The following PROKR1 variants were observed in gnomAD, a reference collection of about 807,000 sequenced individuals.
The protein encoded by PROKR1 is G protein-coupled receptor 73.
PROKR1 carries 21 observed loss-of-function variants against 22.8 expected under a neutral mutation model. The observed-to-expected ratio is 0.92, with a 90% CI of 0.65 to 1.32. The LOEUF (loss-of-function observed/expected upper bound fraction) is 1.32. PROKR1 is among the 40% of genes most tolerant of loss of function. The pLI, the probability that PROKR1 is intolerant of heterozygous loss-of-function variation, is 0.00. For synonymous variants in PROKR1, 193 were observed against 207.5 expected (o/e 0.93, Z 0.60); for missense variants, 548 against 514.2 (o/e 1.07, Z -0.64).
At chr2:68,644,111 G>A (rs778730582) in intron 1 of PROKR1, among the ~76,000 whole-genome samples, 1 of 152,216 alleles carries the variant, frequency 6.6e-6, no homozygotes, top group African/African-American at 2.4e-5. Flanking sequence ...GTCACCAGGT[G>A]GGGGTAGGAT....
At position 68,646,119 on chromosome 2, in the gene PROKR1, CTCA is replaced by C. The variant is rs780378218; in HGVS notation, c.301_303del (p.Ile101del). ...GAAACTGCGCAACCTCACCAACCTGCTCATCGCCAACCTGGCCATCTCTGACTT... is the reference window on the plus strand; with the variant it reads ...GAAACTGCGCAACCTCACCAACCTGCTCGCCAACCTGGCCATCTCTGACTT... On this transcript the variant is annotated inframe_deletion, in exon 2 of 3. Transcript: ENST00000303786. The C allele has an allele frequency of 6.2e-7, 1 of 1,612,198 alleles. No individual in the cohort carries two copies. Among genetic ancestry groups the C allele is most frequent in the Admixed American group, 1.7e-5 (1 of 59,990 alleles).
rs779662940 is a variant in PROKR1 at position 68,646,011 on chromosome 2, G to A, written c.190G>A (p.Val64Ile). 2 of 1,614,266 alleles carry A rather than the reference G, an allele frequency of 1.2e-6. No homozygotes were observed. Among genetic ancestry groups the A allele is most frequent in the Non-Finnish European group, 1.7e-6 (2 of 1,180,054 alleles). Residue 64 changes from valine (V) to isoleucine (I), a missense_variant, in exon 2 of 3, where the codon GTC becomes ATC. Transcript: ENST00000303786. ...CAGGACGTTCTTTGCTGCCAAGATTGTCATTGGGATGGCCCTGGTGGGCAT... is the reference window on the plus strand; with the variant it reads ...CAGGACGTTCTTTGCTGCCAAGATTATCATTGGGATGGCCCTGGTGGGCAT... ...NSRTFFAAKI[V>I]IGMALVGIML... is the part of the protein sequence containing the mutation.
chr2:68,645,740 T>C lies in PROKR1; in HGVS notation c.-82T>C. 3.1e-6 allele frequency: 5 copies of C among 1,597,198 alleles called. No individual in the cohort carries two copies. The South Asian group carries it at 4.4e-5, about 14-fold the overall frequency. On this transcript the variant is annotated 5_prime_UTR_variant, in exon 2 of 3. Coordinates refer to ENST00000303786, the MANE Select transcript of PROKR1 (RefSeq NM_138964.4). ...GACTCATTAAGGGAGAGCTGGCTGA[T>C]AGCAGAGAGGGGTGACATCAGCCTT...
Position 68,655,806 on chromosome 2 carries a change from G to A in PROKR1, c.*230G>A. ...CTAATTTACACGCCAGTAGGTACTG[G>A]TAAAACCTATATATGTTGATGACAT... On this transcript the variant is annotated 3_prime_UTR_variant, in exon 3 of 3. Coordinates refer to ENST00000303786, the MANE Select transcript of PROKR1 (RefSeq NM_138964.4). 1 of 578,222 alleles carries A rather than the reference G, an allele frequency of 1.7e-6. No individual in the cohort carries two copies. The highest frequency in any genetic ancestry group is 2.0e-5 in the South Asian group (1 of 50,364). 35.8% of individuals were successfully genotyped at this position (578,222 alleles called of 1,614,324 possible). A position where few individuals can be genotyped will look rare whatever the true frequency, so the allele number is the denominator to read the frequency against.
At position 68,654,973 on chromosome 2, in the gene PROKR1, C is replaced by A; in HGVS notation, c.579C>A (p.Ile193=). ...TGGTGTGGACGGTGTCCATCCTGAT[C>A]GCCATCCCTTCCGCCTACTTCACCA... is the stretch of plus-strand genomic sequence containing the variant. ...IALVWTVSIL[I]AIPSAYFTTE... is the part of the protein sequence containing the mutation. The change falls in exon 3 of 3, where the codon ATC becomes ATA. Residue 193 remains isoleucine, a synonymous_variant. Transcript: ENST00000303786. The A allele has an allele frequency of 1.2e-6, 2 of 1,613,568 alleles. No individual in the cohort carries two copies. The highest frequency in any genetic ancestry group is 1.7e-6 in the Non-Finnish European group (2 of 1,179,976).
At position 68,654,952 on chromosome 2, in the gene PROKR1, G is replaced by A. The variant is rs62144076; in HGVS notation, c.558G>A (p.Val186=). 6 of 1,613,666 alleles carry A rather than the reference G, an allele frequency of 3.7e-6. No individual in the cohort carries two copies. Among genetic ancestry groups the A allele is most frequent in the Non-Finnish European group, 5.1e-6 (6 of 1,180,022 alleles). ...CAGCCACTGGCCTGATTGCCTTGGT[G>A]TGGACGGTGTCCATCCTGATCGCCA... ...CQTATGLIAL[V]WTVSILIAIP... is the part of the protein sequence containing the mutation. Residue 186 remains valine (V), a synonymous_variant, in exon 3 of 3, where the codon GTG becomes GTA. Transcript: ENST00000303786.
At chr2:68,650,302 C>T (rs558694219) in intron 2 of PROKR1, among the ~76,000 whole-genome samples, 1 of 152,256 alleles carries the variant, frequency 6.6e-6, no homozygotes, top group Admixed American at 6.5e-5. Context: ...TTATCTAGCC[C>T]CAGACTGCTT....
At chr2:68,643,902 G>C (rs1388389048) in intron 1 of PROKR1, 54 bp downstream of exon 1, 1 of 152,426 alleles carries the variant, frequency 6.6e-6, no homozygotes, top group African/African-American at 2.4e-5. Flanking sequence ...CGCTGCACTG[G>C]CTGCGGCCGT....
Position 68,655,520 on chromosome 2 carries a change from C to A in PROKR1, c.1126C>A (p.Leu376Ile). The change falls in exon 3 of 3, where the codon CTC becomes ATC. Residue 376 changes from leucine to isoleucine, a missense_variant. By Grantham distance (5) the Leu-to-Ile change is conservative. Transcript: ENST00000303786. ...CGGTAAGTCCAGTGCAGACCTGGAC[C>A]TCAAGACAATTGGGATGCCTGCCAC... is the stretch of plus-strand genomic sequence containing the variant. Reference protein sequence around the residue: ...NGGKSSADLDLKTIGMPATEE... With the variant: ...NGGKSSADLDIKTIGMPATEE... 1.9e-6 allele frequency: 3 copies of A among 1,614,220 alleles called. No homozygotes were observed. Among genetic ancestry groups the A allele is most frequent in the Non-Finnish European group, 2.5e-6 (3 of 1,180,044 alleles).
In PROKR1 at chr2:68,655,545, C is replaced by A; in HGVS notation, c.1151C>A (p.Thr384Asn). The A allele has an allele frequency of 6.2e-7, 1 of 1,614,160 alleles. No homozygotes were observed. The highest frequency in any genetic ancestry group is 8.5e-7 in the Non-Finnish European group (1 of 1,180,042). ...CTCAAGACAATTGGGATGCCTGCCA[C>A]CGAAGAGGTGGACTGCATCAGACTA... is the stretch of plus-strand genomic sequence containing the variant. ...LDLKTIGMPA[T>N]EEVDCIRLK The change falls in exon 3 of 3, where the codon ACC becomes AAC. Residue 384 changes from threonine to asparagine, a missense_variant. Coordinates refer to ENST00000303786, the MANE Select transcript of PROKR1 (RefSeq NM_138964.4).
At chr2:68,650,249 A>G (rs544827918) in intron 2 of PROKR1, among the ~76,000 whole-genome samples, 254 of 152,274 alleles carry the variant, frequency 1.7e-3, no homozygotes, top group Middle Eastern at 0.01. Flanking sequence ...CATTGTCTAC[A>G]AAGTATGGCT....
At position 68,655,363 on chromosome 2, in the gene PROKR1, CT is replaced by C; in HGVS notation, c.971del (p.Phe324SerfsTer9). The C allele has an allele frequency of 6.2e-7, 1 of 1,614,206 alleles. No homozygotes were observed. The highest frequency in any genetic ancestry group is 8.5e-7 in the Non-Finnish European group (1 of 1,180,002). Reference sequence around the variant, plus strand: ...TGAAGGAGAAGCACTACCTCACTGCCTTCTACATCGTCGAGTGCATCGCCAT... The same window carrying C: ...TGAAGGAGAAGCACTACCTCACTGCCTCTACATCGTCGAGTGCATCGCCAT... The part of the protein sequence containing the change: ...FVKEKHYLTA[F>X]YIVECIAMSN... On this transcript the variant is annotated frameshift_variant, in exon 3 of 3. Coordinates refer to ENST00000303786, the MANE Select transcript of PROKR1 (RefSeq NM_138964.4). LOFTEE classifies it high-confidence loss of function.
chr2:68,654,808 A>AC (rs1673405279), intron 2 of PROKR1, 72 bp from the exon 3 acceptor site: 2 of 472,494 alleles, frequency 4.2e-6, no homozygotes, highest in East Asian at 1.4e-4. Flanking sequence ...CCCTGTTTCA[A>AC]AAAAAAAAAA....
At chr2:68,645,145 C>T (rs910957150) in intron 1 of PROKR1, among the ~76,000 whole-genome samples, 4 of 152,216 alleles carry the variant, frequency 2.6e-5, no homozygotes, top group African/African-American at 9.7e-5. Flanking sequence ...CTTTACCCTA[C>T]AGCCTCTGTC....
chr2:68,643,979 G>A (rs1673121382), intron 1 of PROKR1, 131 bp downstream of exon 1: 1 of 152,274 alleles, frequency 6.6e-6, no homozygotes, highest in Admixed American at 6.5e-5. Context: ...GTTTCTTCAG[G>A]AGAGCCAGGC....
At chr2:68,644,423 A>C (rs1051356440) in intron 1 of PROKR1, among the ~76,000 whole-genome samples, 1 of 152,124 alleles carries the variant, frequency 6.6e-6, no homozygotes, top group Non-Finnish European at 1.5e-5. Context: ...GGGCTGAGCC[A>C]GACAGAATTG....
At chr2:68,652,327 T>C (rs1306217564) in intron 2 of PROKR1, among the ~76,000 whole-genome samples, 2 of 152,224 alleles carry the variant, frequency 1.3e-5, no homozygotes, top group East Asian at 3.8e-4. Context: ...AAACACAACA[T>C]TACTAATGCT....
Position 68,655,220 on chromosome 2 carries a change from C to T in PROKR1, c.826C>T (p.Leu276=). Residue 276 remains leucine (L), a synonymous_variant, in exon 3 of 3, where the codon CTG becomes TTG. Transcript: ENST00000303786. ...CCAGACAGAGCAGATCCGCAAGAGG[C>T]TGCGCTGCCGCAGGAAGACGGTCCT... ...GFQTEQIRKR[L]RCRRKTVLVL... The T allele has an allele frequency of 2.5e-6, 4 of 1,614,246 alleles. No individual in the cohort carries two copies. Among genetic ancestry groups the T allele is most frequent in the Non-Finnish European group, 3.4e-6 (4 of 1,180,046 alleles).
In PROKR1 at chr2:68,645,805, C is replaced by G; in HGVS notation, c.-17C>G. 1.9e-6 allele frequency: 3 copies of G among 1,614,158 alleles called. No individual in the cohort carries two copies. In the Admixed American group the frequency reaches 5.0e-5, roughly 27 times the overall value. ...GGGGAATTCTGAGCAGTGTTGCTCA[C>G]AGCACCACCTGGCCAGATGGAGACC... On this transcript the variant is annotated 5_prime_UTR_variant, in exon 2 of 3. Transcript: ENST00000303786.
Sources: gnomAD v4.1 joint callset for allele counts (sites outside exome capture counted in the v4.1 genomes callset) on GRCh38, gnomAD v4.1.1 for gene constraint, MANE v1.5 for transcripts, NCBI Gene and HGNC (gene_info 2026-07-23, HGNC 2026-07-21) for gene names.